RANBP2: variants seen among roughly 807,000 people sequenced by gnomAD.
The protein encoded by RANBP2 is RAN binding protein 2.
In RANBP2, 57 loss-of-function variants were observed where a neutral mutation model predicts 303.6. The ratio of observed to expected loss-of-function variants is 0.19; its 90% CI spans 0.15 to 0.23. The LOEUF (loss-of-function observed/expected upper bound fraction) is 0.23. Among genes scored for constraint, RANBP2 ranks in the 10% least tolerant of loss-of-function variants. RANBP2 has a pLI of 1.00. For synonymous variants in RANBP2, 1,167 were observed against 1,301.5 expected (o/e 0.90, Z 2.23); for missense variants, 3,138 against 3,780.8 (o/e 0.83, Z 4.46).
chr2:109,153,590 G>T, the RANBP2 span, among the ~76,000 whole-genome samples: 1 of 152,214 alleles, frequency 6.6e-6, no homozygotes, highest in African/African-American at 2.4e-5. Context: ...CCCGACAGAT[G>T]CCCTGTGTGT....
At chr2:109,036,677 G>A in the RANBP2 span, among the ~76,000 whole-genome samples, 1 of 152,158 alleles carries the variant, frequency 6.6e-6, no homozygotes, top group Non-Finnish European at 1.5e-5. Flanking sequence ...ATGGCGGGGA[G>A]TGGTGGGGAC....
chr2:109,558,429 C>T, the RANBP2 span, among the ~76,000 whole-genome samples: 1 of 152,260 alleles, frequency 6.6e-6, no homozygotes, highest in East Asian at 1.9e-4. Flanking sequence ...ACTTCAATGA[C>T]AGTGATTTTG....
chr2:108,895,882 G>A, the RANBP2 span: 1 of 152,230 alleles, frequency 6.6e-6, no homozygotes, highest in Admixed American at 6.5e-5. Context: ...ACAAGTCTTA[G>A]ATGCTCTTGA....
At chr2:109,507,620 A>G in the RANBP2 span, among the ~76,000 whole-genome samples, 1 of 152,130 alleles carries the variant, frequency 6.6e-6, no homozygotes, top group Non-Finnish European at 1.5e-5. Flanking sequence ...CCCCTCCCTC[A>G]GTGAAAATCC....
chr2:109,178,979 C>CT, the RANBP2 span, among the ~76,000 whole-genome samples: 1 of 138,502 alleles, frequency 7.2e-6, no homozygotes, highest in East Asian at 2.1e-4. Flanking sequence ...GGGGGAAATA[C>CT]TTTTTTTCTT....
the RANBP2 span, among the ~76,000 whole-genome samples, chr2:108,979,424 CTCTCTCTCTCTT>C: frequency 3.3e-5 from 1 of 30,232 alleles, no homozygotes; most frequent in African/African-American, 1.1e-4. Flanking sequence ...TGGTTGCTGT[CTCTCTCTCTCTT>C]TCTCTCTCTC....
chr2:109,154,917 T>C, the RANBP2 span, among the ~76,000 whole-genome samples: 21,554 of 152,064 alleles, frequency 0.14, 1,689 homozygotes, highest in Middle Eastern at 0.21. Flanking sequence ...CTTTGGAGAG[T>C]GTTGGCTTTC....
At chr2:109,475,951 C>G in the RANBP2 span, among the ~76,000 whole-genome samples, 2 of 152,190 alleles carry the variant, frequency 1.3e-5, no homozygotes, top group African/African-American at 2.4e-5. Flanking sequence ...CCAAAAACTT[C>G]CTGTGGTGAA....
the RANBP2 span, chr2:109,347,792 G>C: frequency 1.4e-5 from 22 of 1,613,978 alleles, no homozygotes; most frequent in Non-Finnish European, 1.9e-5. Flanking sequence ...GATGAACAGT[G>C]GTACCACGGC....
the RANBP2 span, among the ~76,000 whole-genome samples, chr2:108,920,592 C>T: frequency 3.9e-5 from 6 of 152,120 alleles, no homozygotes; most frequent in Non-Finnish European, 7.4e-5. Context: ...GAGCTGGGGG[C>T]GAGTATGTTC....
At chr2:109,203,574 G>C in the RANBP2 span, among the ~76,000 whole-genome samples, 1 of 152,102 alleles carries the variant, frequency 6.6e-6, no homozygotes, top group African/African-American at 2.4e-5. Context: ...CATGTGGTTC[G>C]TCCAGCTCTC....
the RANBP2 span, chr2:108,813,032 G>A: frequency 2.5e-5 from 20 of 808,202 alleles, no homozygotes; most frequent in South Asian, 1.2e-4. Flanking sequence ...GGCGGATCAC[G>A]ATGTCAGGAG....
chr2:109,038,953 T>TC, the RANBP2 span, among the ~76,000 whole-genome samples: 3 of 152,382 alleles, frequency 2.0e-5, no homozygotes, highest in East Asian at 5.8e-4. Flanking sequence ...AAACTATGTG[T>TC]CCAATTGGCT....
chr2:109,707,218 A>G, the RANBP2 span, among the ~76,000 whole-genome samples: 1 of 152,204 alleles, frequency 6.6e-6, no homozygotes, highest in African/African-American at 2.4e-5. Context: ...AACCAGTGAC[A>G]TGTTTTGCAG....
the RANBP2 span, chr2:109,614,413 G>C: frequency 4.7e-3 from 5,100 of 1,083,030 alleles, 19 homozygotes; most frequent in Non-Finnish European, 5.6e-3. Context: ...CGCCGCCGTC[G>C]GGAGCCGGCC....
At chr2:109,035,767 C>T in the RANBP2 span, among the ~76,000 whole-genome samples, 1 of 152,188 alleles carries the variant, frequency 6.6e-6, no homozygotes, top group African/African-American at 2.4e-5. Flanking sequence ...AGCACTCGAG[C>T]TGGGAGCTAA....
chr2:109,612,122 A>G, the RANBP2 span, among the ~76,000 whole-genome samples: 12 of 152,322 alleles, frequency 7.9e-5, no homozygotes, highest in South Asian at 2.3e-3. Context: ...ACCATGGAAT[A>G]CTACCCCAGC....
chr2:109,097,336 A>G, the RANBP2 span, among the ~76,000 whole-genome samples: 20 of 145,500 alleles, frequency 1.4e-4, 1 homozygote, highest in Admixed American at 1.3e-3. Flanking sequence ...AAAACAAAAC[A>G]AAACAAAACA....
the RANBP2 span, among the ~76,000 whole-genome samples, chr2:109,621,213 C>T: frequency 3.9e-5 from 6 of 152,204 alleles, no homozygotes; most frequent in East Asian, 5.8e-4. Context: ...AGTGCAGTGG[C>T]GTGATCTTGG....
Sources: gnomAD v4.1 joint callset for allele counts (sites outside exome capture counted in the v4.1 genomes callset) on GRCh38, gnomAD v4.1.1 for gene constraint, MANE v1.5 for transcripts, NCBI Gene and HGNC (gene_info 2026-07-23, HGNC 2026-07-21) for gene names.